Variants in SLC4A4 observed in about 807,000 individuals in gnomAD.
The protein encoded by SLC4A4 is electrogenic sodium bicarbonate cotransporter 1.
In SLC4A4, 27 loss-of-function variants were observed where a neutral mutation model predicts 111.5. The ratio of observed to expected loss-of-function variants is 0.24; its 90% CI spans 0.18 to 0.33. The LOEUF (loss-of-function observed/expected upper bound fraction) is 0.33. Ranked by LOEUF, SLC4A4 falls within the 10% of genes least tolerant of loss-of-function variation. SLC4A4 has a pLI of 1.00. For synonymous variants in SLC4A4, 443 were observed against 463.4 expected, an observed-to-expected ratio of 0.96 and a Z score of 0.57; for missense variants, 909 against 1,315.5, an observed-to-expected ratio of 0.69 and a Z score of 4.78.
At chr4:71,228,709 G>T (rs1022784285) in intron 1 of SLC4A4, among the ~76,000 whole-genome samples, 7 of 152,150 alleles carry the variant, frequency 4.6e-5, no homozygotes, top group African/African-American at 7.2e-5. Flanking sequence ...AGTTACAAAT[G>T]AGCTTTTTTA....
chr4:71,534,009 C>A (rs531235860), intron 17 of SLC4A4, among the ~76,000 whole-genome samples: 4 of 152,162 alleles, frequency 2.6e-5, no homozygotes, highest in African/African-American at 9.6e-5. Context: ...TTCCAACAGC[C>A]CATACTCTTT....
intron 2 of SLC4A4, among the ~76,000 whole-genome samples, chr4:71,177,016 C>T (rs1745116616): frequency 6.6e-6 from 1 of 152,070 alleles, no homozygotes; most frequent in African/African-American, 2.4e-5. Context: ...AGAGTGGGGG[C>T]CAATATTCAA....
chr4:71,548,859 A>C (rs1735758727), intron 20 of SLC4A4, among the ~76,000 whole-genome samples: 1 of 151,962 alleles, frequency 6.6e-6, no homozygotes, highest in African/African-American at 2.4e-5. Context: ...GTGGAACTGT[A>C]ATATCTTTGA....
intron 1 of SLC4A4, among the ~76,000 whole-genome samples, chr4:71,075,643 C>G (rs1741790804): frequency 6.6e-6 from 1 of 152,138 alleles, no homozygotes; most frequent in Non-Finnish European, 1.5e-5. Flanking sequence ...TTCAGGTCTC[C>G]GCTCAAATGT....
chr4:71,425,381 A>G (rs546863327), intron 7 of SLC4A4, among the ~76,000 whole-genome samples: 17 of 152,248 alleles, frequency 1.1e-4, no homozygotes, highest in African/African-American at 4.1e-4. Context: ...CTTTTACTTG[A>G]AACCAAACCT....
intron 2 of SLC4A4, among the ~76,000 whole-genome samples, chr4:71,131,387 G>A (rs765085591): frequency 2.0e-5 from 3 of 152,118 alleles, no homozygotes; most frequent in Non-Finnish European, 4.4e-5. Flanking sequence ...CTAAAAGCTC[G>A]AGATCACTGG....
At chr4:71,072,625 G>T (rs1741699677) in intron 1 of SLC4A4, among the ~76,000 whole-genome samples, 1 of 151,148 alleles carries the variant, frequency 6.6e-6, no homozygotes, top group Admixed American at 6.6e-5. Flanking sequence ...AAATTATGTT[G>T]ATATTTTTAT....
chr4:71,550,987 A>G (rs1735939417), intron 20 of SLC4A4, among the ~76,000 whole-genome samples: 1 of 151,934 alleles, frequency 6.6e-6, no homozygotes, highest in African/African-American at 2.4e-5. Context: ...CTGATTCGGT[A>G]CTGAACTGTT....
rs1726219479 is a variant in SLC4A4, at chr4:71,311,921, GAGAGAGAGAGAGAA to G, written c.254-27448_254-27435del. ...AGAGAGAGAGAGAGAGAGAGAGAGA[GAGAGAGAGAGAGAA>G]GGAGATAGAGACACGAAAAACCCTT... On this transcript the variant is annotated intron_variant, in intron 3 of 25. Coordinates refer to ENST00000264485, the MANE Select transcript of SLC4A4 (RefSeq NM_001098484.3). Among the ~76,000 whole-genome samples the G allele has an allele frequency of 5.3e-5, 8 of 150,666 alleles. No homozygotes were observed. The South Asian group carries it at 1.7e-3, about 32-fold the overall frequency.
chr4:71,403,336 T>G (rs1720541005), intron 7 of SLC4A4, among the ~76,000 whole-genome samples: 2 of 152,176 alleles, frequency 1.3e-5, no homozygotes, highest in Non-Finnish European at 2.9e-5. Flanking sequence ...TGCTAGAAAA[T>G]GTTCTTAGTT....
chr4:71,506,271 T>G (rs780851222), intron 16 of SLC4A4, among the ~76,000 whole-genome samples: 2 of 152,218 alleles, frequency 1.3e-5, no homozygotes, highest in African/African-American at 2.4e-5. Context: ...CAAATTGTTT[T>G]GGGCAGTATG....
intron 2 of SLC4A4, among the ~76,000 whole-genome samples, chr4:71,240,319 A>G (rs1005988044): frequency 1.3e-5 from 2 of 152,194 alleles, no homozygotes; most frequent in African/African-American, 4.8e-5. Context: ...TTGGCTCTGC[A>G]AGGCTAGGTA....
intron 7 of SLC4A4, among the ~76,000 whole-genome samples, chr4:71,413,417 G>A (rs1721563173): frequency 6.6e-6 from 1 of 152,114 alleles, no homozygotes. Flanking sequence ...GCAACTGGAT[G>A]TTTTATTGAC....
At chr4:71,496,131 A>G (rs897473242) in intron 15 of SLC4A4, among the ~76,000 whole-genome samples, 27 of 152,136 alleles carry the variant, frequency 1.8e-4, no homozygotes, top group African/African-American at 6.0e-4. Context: ...CAGAGAATGA[A>G]TGTTCATCTT....
At chr4:71,329,486 A>G (rs1727788816) in intron 3 of SLC4A4, among the ~76,000 whole-genome samples, 1 of 151,902 alleles carries the variant, frequency 6.6e-6, no homozygotes, top group Non-Finnish European at 1.5e-5. Flanking sequence ...TATGTCTTCA[A>G]TTTCGTGCAT....
At chr4:71,348,803 T>A (rs1274091151) in intron 4 of SLC4A4, among the ~76,000 whole-genome samples, 1 of 152,216 alleles carries the variant, frequency 6.6e-6, no homozygotes, top group Non-Finnish European at 1.5e-5. Context: ...TAATACCCTA[T>A]GTAGAGCTTC....
At chr4:71,486,070 A>C (rs1268005637) in intron 14 of SLC4A4, among the ~76,000 whole-genome samples, 1 of 151,538 alleles carries the variant, frequency 6.6e-6, no homozygotes, top group South Asian at 2.1e-4. Flanking sequence ...CTAGCAATTC[A>C]GATGTTAAAT....
rs567939342 is a variant in SLC4A4 at position 71,336,609 on chromosome 4, C to T, written c.254-2761C>T. On this transcript the variant is annotated intron_variant, in intron 3 of 25. Coordinates refer to ENST00000264485, the MANE Select transcript of SLC4A4 (RefSeq NM_001098484.3). ...TTTTTTCAATGCCTAGACAAACTGT[C>T]ATGCTCTCTAAATGTGGATCAGCTT... Among the ~76,000 whole-genome samples the T allele has an allele frequency of 3.9e-5, 6 of 152,238 alleles. No individual in the cohort carries two copies. In the South Asian group the frequency reaches 1.2e-3, roughly 32 times the overall value.
chr4:71,069,831 G>A (rs1226395041), intron 1 of SLC4A4, among the ~76,000 whole-genome samples: 1 of 152,110 alleles, frequency 6.6e-6, no homozygotes, highest in Admixed American at 6.5e-5. Flanking sequence ...ATTTGTTTCT[G>A]AACGCTTCTC....
Sources: allele counts gnomAD v4.1 joint callset (sites outside exome capture counted in the v4.1 genomes callset), GRCh38; gene constraint gnomAD v4.1.1; transcripts MANE v1.5; gene names NCBI Gene and HGNC (gene_info 2026-07-23, HGNC 2026-07-21).